The following TCOF1 variants were observed in gnomAD, a reference collection of about 807,000 sequenced individuals.
TCOF1 encodes treacle ribosome biogenesis factor 1, also known as treacle protein.
A neutral mutation model predicts 149.0 loss-of-function variants in TCOF1; 33 were observed. That is an observed-to-expected ratio of 0.22 (90% confidence interval 0.17 to 0.30). TCOF1 has a LOEUF of 0.30. Ranked by LOEUF, TCOF1 falls within the 10% of genes least tolerant of loss-of-function variation. The pLI is 1.00. For missense variants in TCOF1, 1,728 were observed against 1,840.7 expected (o/e 0.94, Z 1.12); for synonymous variants, 789 against 738.8 (o/e 1.07, Z -1.10).
chr5:150,359,592 A>C (rs1322918013), intron 1 of TCOF1, among the ~76,000 whole-genome samples: 5 of 152,134 alleles, frequency 3.3e-5, no homozygotes, highest in Non-Finnish European at 7.4e-5. Flanking sequence ...GGAGGGACTA[A>C]AGGGTGATGG....
chr5:150,372,718 C>T (rs1401605629), intron 7 of TCOF1, among the ~76,000 whole-genome samples: 4 of 128,456 alleles, frequency 3.1e-5, no homozygotes, highest in African/African-American at 1.0e-4. Context: ...CACCCAGCCC[C>T]AGGCCTGGGG....
In TCOF1 at chr5:150,368,161, A is replaced by G. The variant is rs1162282337; in HGVS notation, c.378+244A>G. 9.7e-6 allele frequency: 5 copies of G among 513,814 alleles called. No individual in the cohort carries two copies. The South Asian group carries it at 1.1e-4, about 11-fold the overall frequency. The allele number at this position is 513,814 out of a possible 1,614,324, so 31.8% of individuals were successfully genotyped here. On this transcript the variant is annotated intron_variant, in intron 4 of 26. Transcript: ENST00000643257. ...ACTGGGCACATTCTACACCTGGGGT[A>G]GGCGATTTCTTTCCTCTTTCATGCC...
chr5:150,398,568 CA>C, intron 25 of TCOF1, 117 bp downstream of exon 25: 1 of 1,523,950 alleles, frequency 6.6e-7, no homozygotes, highest in Non-Finnish European at 9.0e-7. Context: ...TCGGGGGCGT[CA>C]GGGGTTGTGA....
intron 17 of TCOF1, among the ~76,000 whole-genome samples, chr5:150,382,577 C>T (rs1765452507): frequency 6.6e-6 from 1 of 152,216 alleles, no homozygotes; most frequent in South Asian, 2.1e-4. Context: ...ATCTCTGAGT[C>T]CTCCTCTGAC....
chr5:150,377,346 T>C (rs1480758256), intron 14 of TCOF1, among the ~76,000 whole-genome samples: 1 of 152,120 alleles, frequency 6.6e-6, no homozygotes, highest in Non-Finnish European at 1.5e-5. Context: ...AGGTGAGATC[T>C]CACCTGCTAC....
chr5:150,372,772 G>A (rs998914390), intron 7 of TCOF1, among the ~76,000 whole-genome samples: 2 of 152,210 alleles, frequency 1.3e-5, no homozygotes, highest in East Asian at 1.9e-4. Flanking sequence ...GATCCCCTGC[G>A]TTAGCTGCTG....
rs1562343043 is a variant in TCOF1, at chr5:150,374,750, GGGA to G, written c.1224_1226del (p.Glu408del). ...GTTGCCAAGGCCCAGGCGGGGAAGC[GGGA>G]GGAGGACTCGCAGAGCAGCAGCGAG... On this transcript the variant is annotated inframe_deletion, in exon 9 of 27. Transcript: ENST00000643257. 4 of 1,609,034 alleles carry G rather than the reference GGGA, an allele frequency of 2.5e-6. No homozygotes were observed. Among genetic ancestry groups the G allele is most frequent in the Admixed American group, 1.7e-5 (1 of 59,500 alleles).
intron 7 of TCOF1, among the ~76,000 whole-genome samples, chr5:150,373,294 G>T (rs1029433683): frequency 6.6e-6 from 1 of 152,068 alleles, no homozygotes; most frequent in Admixed American, 6.5e-5. Flanking sequence ...TCCCACCTTG[G>T]CCTCCCAAAG....
intron 18 of TCOF1, among the ~76,000 whole-genome samples, chr5:150,389,561 A>C (rs1187073123): frequency 6.6e-6 from 1 of 152,192 alleles, no homozygotes; most frequent in Non-Finnish European, 1.5e-5. Flanking sequence ...AGGAGAGACG[A>C]TTTTAACTGC....
chr5:150,387,038 A>AGTTC (rs1372372500), intron 17 of TCOF1, among the ~76,000 whole-genome samples: 1 of 152,102 alleles, frequency 6.6e-6, no homozygotes, highest in East Asian at 1.9e-4. Flanking sequence ...TTTCACGCAA[A>AGTTC]CCCTCCACTC....
intron 7 of TCOF1, among the ~76,000 whole-genome samples, chr5:150,373,528 G>A (rs1470775479): frequency 1.3e-5 from 2 of 152,212 alleles, no homozygotes; most frequent in Non-Finnish European, 2.9e-5. Context: ...TTCCAGGGAA[G>A]ACAGGGCCTG....
intron 24 of TCOF1, among the ~76,000 whole-genome samples, chr5:150,397,314 A>G (rs192634387): frequency 1.0e-3 from 156 of 152,258 alleles, no homozygotes; most frequent in African/African-American, 3.7e-3. Context: ...AGCCCAGTGC[A>G]GCAGATCTTG....
At chr5:150,375,612 C>T in intron 11 of TCOF1, 58 bp downstream of exon 11, 2 of 1,612,802 alleles carry the variant, frequency 1.2e-6, no homozygotes, top group South Asian at 1.1e-5. Context: ...GTGGAGCTGC[C>T]TGTGGCCTCC....
intron 21 of TCOF1, 193 bp from the exon 22 acceptor site, chr5:150,392,512 G>T (rs1054414231): frequency 1.6e-6 from 1 of 630,230 alleles, no homozygotes; most frequent in Non-Finnish European, 2.8e-6. Flanking sequence ...GCATTCAAAT[G>T]TCGCACCTAG....
In TCOF1 at chr5:150,364,143, A is replaced by G. The variant is rs1225186485; in HGVS notation, c.195A>G (p.Ala65=). Residue 65 remains alanine, a synonymous_variant, in exon 3 of 27, where the codon GCA becomes GCG. Transcript: ENST00000643257. Reference sequence around the variant, plus strand: ...CAGAGCTTGGTCGGAAGCGGAAGGCAGAGGAAGATGCGGCACTGCAAGCTA... The same window carrying G: ...CAGAGCTTGGTCGGAAGCGGAAGGCGGAGGAAGATGCGGCACTGCAAGCTA... The part of the protein sequence containing the change: ...QTSELGRKRK[A]EEDAALQAKK... 1.2e-6 allele frequency: 2 copies of G among 1,614,200 alleles called. No homozygotes were observed. The highest frequency in any genetic ancestry group is 3.3e-5 in the Admixed American group (2 of 60,022).
rs754413205 is a variant in TCOF1, at chr5:150,374,718, G to C, written c.1185G>C (p.Gly395=). ...GAAPAPPGKT[G]PAVAKAQAGK... ...CCCCAGCGCCCCCTGGGAAGACAGG[G>C]CCTGCAGTTGCCAAGGCCCAGGCGG... The change falls in exon 9 of 27, where the codon GGG becomes GGC. Residue 395 remains glycine, a synonymous_variant. Coordinates refer to ENST00000643257, the MANE Select transcript of TCOF1 (RefSeq NM_001371623.1). 6.2e-7 allele frequency: 1 copy of C among 1,613,284 alleles called. No individual in the cohort carries two copies. Among genetic ancestry groups the C allele is most frequent in the Non-Finnish European group, 8.5e-7 (1 of 1,179,828 alleles).
Position 150,399,044 on chromosome 5 carries a change from T to C in TCOF1, c.4466T>C (p.Val1489Ala). The change falls in exon 26 of 27, where the codon GTA (valine) becomes GCA (alanine). Residue 1489 changes from valine (V) to alanine (A), a missense_variant. By Grantham distance (64) the Val-to-Ala change is moderately conservative (BLOSUM62 0). Coordinates refer to ENST00000643257, the MANE Select transcript of TCOF1 (RefSeq NM_001371623.1). The stretch of plus-strand genomic sequence containing the variant: ...CAGAAGAAGACAGCAGAGCAGACTG[T>C]ATGACGAGCACCAGCACCAGGCACA... ...KKKKKTAEQT[V>A] 1.2e-6 allele frequency: 2 copies of C among 1,614,248 alleles called. No individual in the cohort carries two copies. The highest frequency in any genetic ancestry group is 1.7e-6 in the Non-Finnish European group (2 of 1,180,050).
At chr5:150,391,444 C>A in intron 19 of TCOF1, 100 bp from the exon 20 acceptor site, 1 of 1,064,244 alleles carries the variant, frequency 9.4e-7, no homozygotes. Flanking sequence ...TCAGTCCCTG[C>A]TCCAGCCCTC....
At chr5:150,393,780 G>A (rs1293875698) in intron 23 of TCOF1, 7 of 572,310 alleles carry the variant, frequency 1.2e-5, no homozygotes, top group East Asian at 6.5e-5. Flanking sequence ...TTGGGAGGCC[G>A]AGGTGGGCAG....
Sources: allele counts gnomAD v4.1 joint callset (sites outside exome capture counted in the v4.1 genomes callset), GRCh38; gene constraint gnomAD v4.1.1; transcripts MANE v1.5; gene names NCBI Gene and HGNC (gene_info 2026-07-23, HGNC 2026-07-21).